Variants in SERPINB11 observed in about 807,000 individuals in gnomAD.
SERPINB11 encodes serpin B11.
SERPINB11 carries 32 observed loss-of-function variants against 36.7 expected under a neutral mutation model. The observed-to-expected ratio is 0.87, with a 90% CI of 0.66 to 1.17. The LOEUF (loss-of-function observed/expected upper bound fraction) is 1.17, where lower values mean the gene tolerates loss of function less well. SERPINB11 is among the 50% of genes most tolerant of loss of function. The probability of loss-of-function intolerance (pLI) is 0.00; values close to 1 mark genes in which losing one functional copy is unlikely to be tolerated. For synonymous variants in SERPINB11, 174 were observed against 168.1 expected (o/e 1.04, Z -0.27); for missense variants, 528 against 458.4 (o/e 1.15, Z -1.39).
intron 5 of SERPINB11, among the ~76,000 whole-genome samples, chr18:63,717,721 G>A (rs1914704766): frequency 6.6e-6 from 1 of 151,592 alleles, no homozygotes; most frequent in Non-Finnish European, 1.5e-5. Context: ...ATTTTTAGGA[G>A]TTCTTTGCAC....
intron 1 of SERPINB11, among the ~76,000 whole-genome samples, chr18:63,707,408 C>T (rs1310289454): frequency 1.3e-5 from 2 of 152,196 alleles, no homozygotes; most frequent in African/African-American, 2.4e-5. Flanking sequence ...CATCAAGGGG[C>T]ATGCAAGGCT....
rs368688268 is a variant in SERPINB11 at position 63,723,248 on chromosome 18, G to T, written c.1028G>T (p.Gly343Val). The stretch of plus-strand genomic sequence containing the variant: ...TCATACCTGGATGTCAGCGAAGAGG[G>T]CACGGAGGCAGCAGCAGCCACTGGG... ...HKSYLDVSEE[G>V]TEAAAATGDS... Residue 343 changes from glycine (G) to valine (V), a missense_variant, in exon 8 of 8, where the codon GGC (glycine) becomes GTC (valine). Coordinates refer to ENST00000544088, the MANE Select transcript of SERPINB11 (RefSeq NM_001370475.1). 104 of 1,613,816 alleles carry T rather than the reference G, an allele frequency of 6.4e-5. No homozygotes were observed. The highest frequency in any genetic ancestry group is 1.1e-4 in the African/African-American group (8 of 74,914).
chr18:63,711,346 T>C lies in SERPINB11; in HGVS notation c.180T>C (p.Phe60=), dbSNP rs776292389. ...TEEQLEKVLH[F]SHTVDSLKPG... is the part of the protein sequence containing the mutation. ...TTTTTCTTTTCTAGGTGCTTCATTTTAGTCATACTGTAGACTCATTAAAAC... is the reference window on the plus strand; with the variant it reads ...TTTTTCTTTTCTAGGTGCTTCATTTCAGTCATACTGTAGACTCATTAAAAC... Residue 60 remains phenylalanine, a synonymous_variant, in exon 3 of 8, where the codon TTT becomes TTC. Transcript: ENST00000544088. 2 of 1,610,358 alleles carry C rather than the reference T, an allele frequency of 1.2e-6. No individual in the cohort carries two copies. The highest frequency in any genetic ancestry group is 2.2e-5 in the South Asian group (2 of 90,962).
intron 4 of SERPINB11, among the ~76,000 whole-genome samples, chr18:63,713,083 G>C (rs186283881): frequency 6.6e-6 from 1 of 152,320 alleles, no homozygotes; most frequent in African/African-American, 2.4e-5. Flanking sequence ...CAGGAGTTCT[G>C]TTTCCATTTA....
intron 5 of SERPINB11, among the ~76,000 whole-genome samples, chr18:63,719,539 T>C (rs1181615670): frequency 6.6e-6 from 1 of 152,152 alleles, no homozygotes; most frequent in Non-Finnish European, 1.5e-5. Context: ...TTTTCAGATA[T>C]GTGTTTACTT....
chr18:63,723,087 C>T lies in SERPINB11; in HGVS notation c.867C>T (p.Phe289=). 1 of 1,605,018 alleles carries T rather than the reference C, an allele frequency of 6.2e-7. No homozygotes were observed. The part of the protein sequence containing the change: ...EREVEVHLPR[F]KLETKYELNS... ...AAGTTGAAGTACACCTCCCCCGATT[C>T]AAACTTGAAACTAAGTATGAGCTAA... Residue 289 remains phenylalanine (F), a synonymous_variant, in exon 8 of 8, where the codon TTC becomes TTT. Transcript: ENST00000544088.
At position 63,723,104 on chromosome 18, in the gene SERPINB11, A is replaced by G; in HGVS notation, c.884A>G (p.Tyr295Cys). 4 of 1,605,660 alleles carry G rather than the reference A, an allele frequency of 2.5e-6. No individual in the cohort carries two copies. The highest frequency in any genetic ancestry group is 2.2e-5 in the East Asian group (1 of 44,622). ...CCCCGATTCAAACTTGAAACTAAGT[A>G]TGAGCTAAATTCCCTGTTAAAATCT... is the stretch of plus-strand genomic sequence containing the variant. The part of the protein sequence containing the change: ...HLPRFKLETK[Y>C]ELNSLLKSLG... The change falls in exon 8 of 8, where the codon TAT becomes TGT. Residue 295 changes from tyrosine to cysteine, a missense_variant. Coordinates refer to ENST00000544088, the MANE Select transcript of SERPINB11 (RefSeq NM_001370475.1).
intron 7 of SERPINB11, among the ~76,000 whole-genome samples, chr18:63,721,738 G>A (rs550276915): frequency 4.6e-5 from 7 of 152,222 alleles, no homozygotes; most frequent in African/African-American, 1.7e-4. Flanking sequence ...CGGGTGGTAG[G>A]GAAGGCTTCT....
intron 1 of SERPINB11, among the ~76,000 whole-genome samples, chr18:63,707,278 G>A (rs750102777): frequency 5.5e-4 from 83 of 152,172 alleles, no homozygotes; most frequent in Non-Finnish European, 1.0e-3. Flanking sequence ...TGGGGAGAGA[G>A]AAGAAGAGAA....
In SERPINB11 at chr18:63,723,718, A is replaced by G. The variant is rs1914889740; in HGVS notation, c.*319A>G. 4.4e-6 allele frequency: 1 copy of G among 225,018 alleles called. No individual in the cohort carries two copies. Among genetic ancestry groups the G allele is most frequent in the Non-Finnish European group, 8.6e-6 (1 of 116,464 alleles). 13.9% of individuals were successfully genotyped at this position (225,018 alleles called of 1,614,324 possible). A position where few individuals can be genotyped will look rare whatever the true frequency, so the allele number is the denominator to read the frequency against. Reference sequence around the variant, plus strand: ...GATTAGATTTTCTTGACTTGTATGTATCTGTGAGATCTTGAATAAGTGACC... The same window carrying G: ...GATTAGATTTTCTTGACTTGTATGTGTCTGTGAGATCTTGAATAAGTGACC... On this transcript the variant is annotated 3_prime_UTR_variant, in exon 8 of 8. Coordinates refer to ENST00000544088, the MANE Select transcript of SERPINB11 (RefSeq NM_001370475.1).
In SERPINB11 at chr18:63,723,512, G is replaced by T. The variant is rs1914883399; in HGVS notation, c.*113G>T. On this transcript the variant is annotated 3_prime_UTR_variant, in exon 8 of 8. Transcript: ENST00000544088. ...CTCACACACCTCTGTGCCTCAGTTT[G>T]CTCATCTGCAAAATAGGTCTAGGAT... 4 of 942,652 alleles carry T rather than the reference G, an allele frequency of 4.2e-6. No homozygotes were observed. In the African/African-American group the frequency reaches 4.9e-5, roughly 12 times the overall value. 58.4% of individuals were successfully genotyped at this position (942,652 alleles called of 1,614,324 possible).
At chr18:63,715,610 A>G (rs1336794120) in intron 4 of SERPINB11, among the ~76,000 whole-genome samples, 1 of 152,128 alleles carries the variant, frequency 6.6e-6, no homozygotes, top group Non-Finnish European at 1.5e-5. Context: ...CATGGGAGCA[A>G]CCTTCTGTTA....
Position 63,720,915 on chromosome 18 carries a change from G to A in SERPINB11, c.703G>A (p.Glu235Lys), listed in dbSNP as rs963701830. The A allele has an allele frequency of 6.2e-7, 1 of 1,605,604 alleles. No individual in the cohort carries two copies. The highest frequency in any genetic ancestry group is 1.1e-5 in the South Asian group (1 of 89,664). Reference protein sequence around the residue: ...FVKEPQMQVLELPYVNNKLSM... With the variant: ...FVKEPQMQVLKLPYVNNKLSM... ...AAAGGAGCCGCAGATGCAAGTTCTT[G>A]AGCTGCCCTACGTTAACAACAAATT... Residue 235 changes from glutamate (E) to lysine (K), a missense_variant, in exon 7 of 8, where the codon GAG becomes AAG. Physicochemically the swap from Glu to Lys is moderately conservative, Grantham distance 56 (BLOSUM62 1). Transcript: ENST00000544088.
chr18:63,720,909 G>A lies in SERPINB11; in HGVS notation c.697G>A (p.Val233Ile), dbSNP rs199934856. 1.2e-4 allele frequency: 196 copies of A among 1,603,758 alleles called. No homozygotes were observed. Among genetic ancestry groups the A allele is most frequent in the Non-Finnish European group, 1.6e-4 (190 of 1,174,922 alleles). The change falls in exon 7 of 8, where the codon GTT becomes ATT. Residue 233 changes from valine (V) to isoleucine (I), a missense_variant. Val to Ile is a conservative substitution (Grantham distance 29). Transcript: ENST00000544088. ...CTTTGTAAAGGAGCCGCAGATGCAA[G>A]TTCTTGAGCTGCCCTACGTTAACAA... ...LAFVKEPQMQVLELPYVNNKL... is the reference protein window; with the variant it reads ...LAFVKEPQMQILELPYVNNKL...
chr18:63,714,267 A>T (rs1160757561), intron 4 of SERPINB11, among the ~76,000 whole-genome samples: 2 of 152,172 alleles, frequency 1.3e-5, no homozygotes, highest in African/African-American at 4.8e-5. Context: ...GGTGTGGGTC[A>T]CAGAGATCAC....
chr18:63,723,205 T>C lies in SERPINB11; in HGVS notation c.985T>C (p.Ser329Pro), dbSNP rs374301616. 3.7e-6 allele frequency: 6 copies of C among 1,613,662 alleles called. No individual in the cohort carries two copies. The African/African-American group carries it at 8.0e-5, about 22-fold the overall frequency. ...GMSPTKGLYL[S>P]KAIHKSYLDV... Reference sequence around the variant, plus strand: ...GTCACCAACCAAGGGCCTATATTTATCAAAAGCCATCCACAAGTCATACCT... The same window carrying C: ...GTCACCAACCAAGGGCCTATATTTACCAAAAGCCATCCACAAGTCATACCT... Residue 329 changes from serine to proline, a missense_variant, in exon 8 of 8, where the codon TCA becomes CCA. Physicochemically the swap from Ser to Pro is moderately conservative, Grantham distance 74. Transcript: ENST00000544088.
At chr18:63,721,036 A>T in intron 7 of SERPINB11, 50 bp downstream of exon 7, 1 of 926,234 alleles carries the variant, frequency 1.1e-6, no homozygotes, top group Non-Finnish European at 1.5e-6. Flanking sequence ...GTGCATGTTA[A>T]CACACACACA....
intron 2 of SERPINB11, among the ~76,000 whole-genome samples, 178 bp downstream of exon 2, chr18:63,710,539 G>A (rs1914495972): frequency 6.6e-6 from 1 of 152,168 alleles, no homozygotes; most frequent in Non-Finnish European, 1.5e-5. Context: ...GGAGTATGCT[G>A]TAATGCAAAC....
rs1294129346 is a variant in SERPINB11 at position 63,716,025 on chromosome 18, T to C, written c.358-10T>C. On this transcript the variant is annotated splice_polypyrimidine_tract_variant and intron_variant, in intron 4 of 7. Transcript: ENST00000544088. ...TTTGAATTGTTGTTCAATTATCATG[T>C]CTTTCATAGCAATATTTAAGCTGTT... 5.1e-6 allele frequency: 8 copies of C among 1,556,148 alleles called. No homozygotes were observed. Among genetic ancestry groups the C allele is most frequent in the South Asian group, 1.1e-5 (1 of 87,624 alleles).
Sources: allele counts gnomAD v4.1 joint callset (sites outside exome capture counted in the v4.1 genomes callset), GRCh38; gene constraint gnomAD v4.1.1; transcripts MANE v1.5; gene names NCBI Gene and HGNC (gene_info 2026-07-23, HGNC 2026-07-21).